FNIP2: variants seen among roughly 807,000 people sequenced by gnomAD.
The protein encoded by FNIP2 is folliculin interacting protein 2.
FNIP2 carries 32 observed loss-of-function variants against 108.7 expected under a neutral mutation model. That is an observed-to-expected ratio of 0.29 (90% CI 0.22 to 0.40). The LOEUF (loss-of-function observed/expected upper bound fraction) is 0.40. Among genes scored for constraint, FNIP2 ranks in the 10% least tolerant of loss-of-function variants. FNIP2 has a pLI of 1.00. For missense variants in FNIP2, 1,202 were observed against 1,381.6 expected (o/e 0.87, Z 2.06); for synonymous variants, 480 against 496.7 (o/e 0.97, Z 0.45).
chr4:158,890,557 G>A (rs535560657), intron 14 of FNIP2, among the ~76,000 whole-genome samples: 12 of 152,116 alleles, frequency 7.9e-5, no homozygotes, highest in African/African-American at 2.2e-4. Context: ...GGATTAAGTC[G>A]TAAAAATTAC....
chr4:158,802,058 A>G (rs1776781512), intron 1 of FNIP2, among the ~76,000 whole-genome samples: 2 of 152,182 alleles, frequency 1.3e-5, no homozygotes, highest in Non-Finnish European at 2.9e-5. Flanking sequence ...ATAAACTTTG[A>G]TTGAATTATA....
chr4:158,843,711 C>T (rs913529062), intron 7 of FNIP2, among the ~76,000 whole-genome samples: 1 of 152,102 alleles, frequency 6.6e-6, no homozygotes, highest in Non-Finnish European at 1.5e-5. Context: ...AAAGATGTAT[C>T]GTGGGGATGG....
rs72695438 is a variant in FNIP2 at position 158,796,419 on chromosome 4, A to G, written c.107+27100A>G. Among the ~76,000 whole-genome samples, 328 of 152,318 alleles carry G rather than the reference A, an allele frequency of 2.2e-3. 1 individual carries two copies. The highest frequency in any genetic ancestry group is 4.1e-3 in the Non-Finnish European group (279 of 68,020). The stretch of plus-strand genomic sequence containing the variant: ...TTTGTTCTAGAGCTTATTGTTCCCA[A>G]GGAACTTTGTGATGAGTCTATCTCA... On this transcript the variant is annotated intron_variant, in intron 1 of 16. Coordinates refer to ENST00000264433, the MANE Select transcript of FNIP2 (RefSeq NM_020840.3).
chr4:158,839,235 T>G (rs1560791749), intron 7 of FNIP2, among the ~76,000 whole-genome samples: 1 of 152,346 alleles, frequency 6.6e-6, no homozygotes, highest in East Asian at 1.9e-4. Context: ...ATAAATTATT[T>G]GGACTTCTCC....
At chr4:158,859,771 C>T in intron 10 of FNIP2, 105 bp downstream of exon 10, 5 of 966,578 alleles carry the variant, frequency 5.2e-6, no homozygotes, top group Non-Finnish European at 6.4e-6. Flanking sequence ...AGTTATTCCT[C>T]ACTTTTGTGG....
intron 1 of FNIP2, among the ~76,000 whole-genome samples, chr4:158,819,455 T>C (rs529561646): frequency 6.6e-6 from 1 of 152,234 alleles, no homozygotes; most frequent in African/African-American, 2.4e-5. Flanking sequence ...ATAAGAACTT[T>C]AAGCACTTTT....
intron 7 of FNIP2, chr4:158,836,408 T>C (rs964312487): frequency 6.6e-6 from 1 of 152,232 alleles, no homozygotes; most frequent in African/African-American, 2.4e-5. Flanking sequence ...ATATGTCACA[T>C]AATGTAAAGT....
At chr4:158,789,499 T>C (rs181507358) in intron 1 of FNIP2, among the ~76,000 whole-genome samples, 1 of 152,264 alleles carries the variant, frequency 6.6e-6, no homozygotes, top group Admixed American at 6.5e-5. Flanking sequence ...ATGTTTCTGA[T>C]GTGTGCTCTG....
chr4:158,785,278 G>T (rs186358815), intron 1 of FNIP2, among the ~76,000 whole-genome samples: 2 of 151,854 alleles, frequency 1.3e-5, no homozygotes, highest in East Asian at 3.9e-4. Context: ...TAGAGACGGG[G>T]TTTCATCTTG....
chr4:158,902,713 G>T (rs939068768), intron 16 of FNIP2, among the ~76,000 whole-genome samples: 7 of 152,246 alleles, frequency 4.6e-5, no homozygotes, highest in Non-Finnish European at 1.0e-4. Flanking sequence ...AGGCAGTCTG[G>T]CCCCAGTGGC....
chr4:158,872,237 C>T (rs1780994450), intron 14 of FNIP2: 1 of 985,204 alleles, frequency 1.0e-6, no homozygotes, highest in African/African-American at 1.7e-5. Flanking sequence ...GATTGATAAC[C>T]CTCCTTGAAC....
chr4:158,782,007 A>G (rs1258107168), intron 1 of FNIP2, among the ~76,000 whole-genome samples: 1 of 152,186 alleles, frequency 6.6e-6, no homozygotes, highest in African/African-American at 2.4e-5. Flanking sequence ...GACAACTATT[A>G]GACATTCAAT....
Position 158,780,997 on chromosome 4 carries a change from C to T in FNIP2, c.107+11678C>T, listed in dbSNP as rs139079238. ...TTGCAGTGAGCTGAGATCGCGCCAC[C>T]GCACTCCAGTCTCAGCAACAGAGGG... is the stretch of plus-strand genomic sequence containing the variant. On this transcript the variant is annotated intron_variant, in intron 1 of 16. Transcript: ENST00000264433. Among the ~76,000 whole-genome samples, 194 of 148,272 alleles carry T rather than the reference C, an allele frequency of 1.3e-3. 2 individuals carry two copies. The highest frequency in any genetic ancestry group is 4.6e-3 in the African/African-American group (184 of 39,912).
intron 1 of FNIP2, among the ~76,000 whole-genome samples, chr4:158,781,898 TTC>T (rs1168956405): frequency 6.6e-6 from 1 of 152,172 alleles, no homozygotes; most frequent in Non-Finnish European, 1.5e-5. Context: ...GAGTTTTTTT[TTC>T]TTTTTTTTAA....
intron 1 of FNIP2, among the ~76,000 whole-genome samples, chr4:158,794,001 A>G (rs972271356): frequency 6.6e-6 from 1 of 152,248 alleles, no homozygotes; most frequent in Non-Finnish European, 1.5e-5. Context: ...GAATTGAGAC[A>G]TTCTCTAAGT....
intron 1 of FNIP2, among the ~76,000 whole-genome samples, chr4:158,821,260 T>C (rs1036475859): frequency 1.3e-5 from 2 of 152,250 alleles, no homozygotes; most frequent in Non-Finnish European, 2.9e-5. Flanking sequence ...AAAGTGGACA[T>C]AAATAATACC....
chr4:158,819,922 G>T (rs1474223210), intron 1 of FNIP2, among the ~76,000 whole-genome samples: 1 of 152,162 alleles, frequency 6.6e-6, no homozygotes, highest in Non-Finnish European at 1.5e-5. Context: ...AGAGAAAAAA[G>T]AATATAGAAT....
Position 158,861,745 on chromosome 4 carries a change from A to G in FNIP2, c.1434A>G (p.Thr478=). Residue 478 remains threonine (T), a synonymous_variant, in exon 12 of 17, where the codon ACA becomes ACG. Transcript: ENST00000264433. ...AGTCAGTGAACATGCTGGCCAAAAC[A>G]CATCCGTATAATCCTCTTTGGGCAC... is the stretch of plus-strand genomic sequence containing the variant. ...TSQSVNMLAK[T]HPYNPLWAQL... is the part of the protein sequence containing the mutation. 6.2e-7 allele frequency: 1 copy of G among 1,614,030 alleles called. No individual in the cohort carries two copies. The highest frequency in any genetic ancestry group is 8.5e-7 in the Non-Finnish European group (1 of 1,179,904).
At chr4:158,871,483 A>C in intron 14 of FNIP2, 1 of 985,364 alleles carries the variant, frequency 1.0e-6, no homozygotes, top group Non-Finnish European at 1.2e-6. Flanking sequence ...AAGACCAAAC[A>C]TCAGGCACAG....
Sources: allele counts gnomAD v4.1 joint callset (sites outside exome capture counted in the v4.1 genomes callset), GRCh38; gene constraint gnomAD v4.1.1; transcripts MANE v1.5; gene names NCBI Gene and HGNC (gene_info 2026-07-23, HGNC 2026-07-21).